KCNIP4: variants seen among roughly 807,000 people sequenced by gnomAD.
The protein encoded by KCNIP4 is Kv channel-interacting protein 4.
A neutral mutation model predicts 34.0 loss-of-function variants in KCNIP4; 12 were observed. The ratio of observed to expected loss-of-function variants is 0.35; its 90% CI spans 0.23 to 0.57. The LOEUF (loss-of-function observed/expected upper bound fraction) is 0.57. Ranked by LOEUF, KCNIP4 falls within the 20% of genes least tolerant of loss-of-function variation. The pLI, the probability that KCNIP4 is intolerant of heterozygous loss-of-function variation, is 0.83. For missense variants in KCNIP4, 238 were observed against 311.7 expected, an observed-to-expected ratio of 0.76 and a Z score of 1.78; for synonymous variants, 124 against 102.2, an observed-to-expected ratio of 1.21 and a Z score of -1.29.
chr4:21,169,284 C>T (rs900328064), intron 1 of KCNIP4, among the ~76,000 whole-genome samples: 2 of 152,012 alleles, frequency 1.3e-5, no homozygotes, highest in Non-Finnish European at 1.5e-5. Flanking sequence ...TCCTAAGTAG[C>T]GAGGACTGTA....
At chr4:21,404,500 G>A (rs995095179) in intron 1 of KCNIP4, among the ~76,000 whole-genome samples, 3 of 151,952 alleles carry the variant, frequency 2.0e-5, no homozygotes, top group Non-Finnish European at 2.9e-5. Flanking sequence ...TAGATTTTGA[G>A]TATTTTTTCT....
chr4:20,809,729 T>C (rs1311555289), intron 3 of KCNIP4, among the ~76,000 whole-genome samples: 2 of 152,206 alleles, frequency 1.3e-5, no homozygotes, highest in African/African-American at 4.8e-5. Context: ...TGTAATATCA[T>C]ATAAAATTTT....
At position 21,523,191 on chromosome 4, in the gene KCNIP4, T is replaced by C. The variant is rs77538105; in HGVS notation, c.61+425380A>G. On this transcript the variant is annotated intron_variant, in intron 1 of 8. Coordinates refer to ENST00000382152, the MANE Select transcript of KCNIP4 (RefSeq NM_025221.6). ...CTAGAAACTGTGAGAAGTAATTTTCTGTTATTTATAAGGTACCAAGCTTAT... is the reference window on the plus strand; with the variant it reads ...CTAGAAACTGTGAGAAGTAATTTTCCGTTATTTATAAGGTACCAAGCTTAT... Among the ~76,000 whole-genome samples, 349 of 152,260 alleles carry C rather than the reference T, an allele frequency of 2.3e-3. 3 individuals carry two copies. Among genetic ancestry groups the C allele is most frequent in the African/African-American group, 8.1e-3 (337 of 41,540 alleles).
chr4:21,674,356 A>C (rs1749724729), intron 1 of KCNIP4, among the ~76,000 whole-genome samples: 1 of 152,196 alleles, frequency 6.6e-6, no homozygotes, highest in Non-Finnish European at 1.5e-5. Context: ...AATCCAAATA[A>C]GCTTTTTGCA....
intron 1 of KCNIP4, among the ~76,000 whole-genome samples, chr4:21,169,779 C>G (rs996673979): frequency 7.3e-5 from 11 of 151,144 alleles, no homozygotes; most frequent in Admixed American, 6.6e-4. Context: ...CAGAATGGTT[C>G]GTCCCAATTA....
intron 1 of KCNIP4, among the ~76,000 whole-genome samples, chr4:21,378,089 G>T (rs372343620): frequency 6.6e-6 from 1 of 152,052 alleles, no homozygotes; most frequent in Non-Finnish European, 1.5e-5. Flanking sequence ...ATTTGCTCCC[G>T]CATTGCTATC....
intron 1 of KCNIP4, among the ~76,000 whole-genome samples, chr4:20,925,305 T>C (rs10461094): frequency 0.82 from 123,956 of 151,980 alleles, 50,669 homozygotes; most frequent in East Asian, 0.84. Context: ...CATTCCCAGA[T>C]GGTTAGGGCA....
intron 1 of KCNIP4, among the ~76,000 whole-genome samples, chr4:21,487,643 G>A (rs1732029646): frequency 6.6e-6 from 1 of 152,110 alleles, no homozygotes; most frequent in Admixed American, 6.5e-5. Context: ...GATACCTACA[G>A]AAATTATTCG....
chr4:21,639,360 A>G (rs2109228421), intron 1 of KCNIP4, among the ~76,000 whole-genome samples: 1 of 152,326 alleles, frequency 6.6e-6, no homozygotes, highest in Non-Finnish European at 1.5e-5. Flanking sequence ...GACCCAACAA[A>G]AAGACACGAA....
At chr4:21,303,665 A>G (rs1712014004) in intron 1 of KCNIP4, 1 of 578,678 alleles carries the variant, frequency 1.7e-6, no homozygotes, top group Non-Finnish European at 3.0e-6. Context: ...AATCTTTCCT[A>G]CCCTGAAAAA....
chr4:21,076,859 G>C (rs9999368), intron 1 of KCNIP4, among the ~76,000 whole-genome samples: 2 of 152,064 alleles, frequency 1.3e-5, no homozygotes, highest in African/African-American at 4.8e-5. Flanking sequence ...GCAGTGGCTA[G>C]TGCTTGTAAT....
intron 1 of KCNIP4, among the ~76,000 whole-genome samples, chr4:21,365,864 A>G (rs1303042181): frequency 6.6e-6 from 1 of 152,222 alleles, no homozygotes; most frequent in Non-Finnish European, 1.5e-5. Flanking sequence ...AAACTCAAGA[A>G]TACTTACATT....
intron 1 of KCNIP4, among the ~76,000 whole-genome samples, chr4:21,822,908 G>A (rs1437502571): frequency 2.6e-5 from 4 of 151,642 alleles, no homozygotes; most frequent in African/African-American, 9.7e-5. Context: ...AGTAGAGACA[G>A]GGGTTTCACC....
intron 3 of KCNIP4, among the ~76,000 whole-genome samples, chr4:20,812,260 T>A (rs1054807630): frequency 1.3e-5 from 2 of 151,864 alleles, no homozygotes; most frequent in Non-Finnish European, 2.9e-5. Flanking sequence ...GGAAAGAAAA[T>A]CCAAAACCTA....
chr4:21,719,478 A>G (rs1182868307), intron 1 of KCNIP4, among the ~76,000 whole-genome samples: 1 of 152,164 alleles, frequency 6.6e-6, no homozygotes, highest in Non-Finnish European at 1.5e-5. Context: ...CTTCATCAGG[A>G]CCAAGTTTTA....
chr4:21,934,383 TTC>T (rs1729734031), intron 1 of KCNIP4, among the ~76,000 whole-genome samples: 1 of 152,002 alleles, frequency 6.6e-6, no homozygotes, highest in Non-Finnish European at 1.5e-5. Flanking sequence ...CATTTAATGG[TTC>T]TTTTTCCCAA....
intron 3 of KCNIP4, among the ~76,000 whole-genome samples, chr4:20,765,606 G>A (rs1755330104): frequency 6.6e-6 from 1 of 152,188 alleles, no homozygotes; most frequent in African/African-American, 2.4e-5. Flanking sequence ...TGAGGAAAAT[G>A]TTCTGGTTTT....
intron 1 of KCNIP4, among the ~76,000 whole-genome samples, chr4:20,888,674 G>T (rs182126641): frequency 1.3e-5 from 2 of 152,154 alleles, no homozygotes. Context: ...ACCTACAATG[G>T]ACAGATTCAT....
At chr4:21,833,014 A>C (rs1258509405) in intron 1 of KCNIP4, among the ~76,000 whole-genome samples, 1 of 146,284 alleles carries the variant, frequency 6.8e-6, no homozygotes, top group East Asian at 2.0e-4. Flanking sequence ...GGTTGGTTCC[A>C]AGTCTTTGCT....
Sources: gnomAD v4.1 joint callset for allele counts (sites outside exome capture counted in the v4.1 genomes callset) on GRCh38, gnomAD v4.1.1 for gene constraint, MANE v1.5 for transcripts, NCBI Gene and HGNC (gene_info 2026-07-23, HGNC 2026-07-21) for gene names.